Variants in FRMD6 observed in about 807,000 individuals in gnomAD.
The protein encoded by FRMD6 is FERM domain containing 6, also known as FERM domain-containing protein 6.
Under a neutral mutation model 73.2 loss-of-function variants are expected in FRMD6, and 37 were observed. The observed-to-expected ratio is 0.51, with a 90% CI of 0.39 to 0.66. The LOEUF (loss-of-function observed/expected upper bound fraction) is 0.66. FRMD6 is among the 30% of genes least tolerant of loss of function. FRMD6 has a pLI of 0.00. For missense variants in FRMD6, 714 were observed against 780.5 expected (o/e 0.91, Z 1.02); for synonymous variants, 273 against 282.2 (o/e 0.97, Z 0.33).
chr14:51,663,925 A>G (rs1392618472), intron 1 of FRMD6, among the ~76,000 whole-genome samples: 1 of 152,240 alleles, frequency 6.6e-6, no homozygotes, highest in African/African-American at 2.4e-5. Flanking sequence ...TCTTGTGATA[A>G]CTACGTTAAT....
At chr14:51,423,102 A>C in the FRMD6 span, among the ~76,000 whole-genome samples, 224 of 152,330 alleles carry the variant, frequency 1.5e-3, no homozygotes, top group Non-Finnish European at 2.7e-3. Flanking sequence ...AGTGTGAATG[A>C]GCTAGAAACC....
the FRMD6 span, among the ~76,000 whole-genome samples, chr14:51,418,402 G>A: frequency 0.92 from 140,018 of 152,254 alleles, 64,648 homozygotes; most frequent in African/African-American, 0.97. Flanking sequence ...TTTCCTTCCA[G>A]CACTCAGGTC....
intron 1 of FRMD6, among the ~76,000 whole-genome samples, chr14:51,534,273 A>G (rs897720760): frequency 1.3e-5 from 2 of 152,340 alleles, no homozygotes; most frequent in East Asian, 1.9e-4. Context: ...TTTTACCCAT[A>G]TAATATCACT....
At chr14:51,539,672 A>G (rs11157830) in intron 1 of FRMD6, among the ~76,000 whole-genome samples, 19,264 of 152,092 alleles carry the variant, frequency 0.13, 1,485 homozygotes, top group East Asian at 0.25. Context: ...GGCATTGAGT[A>G]TGTAGCCAGT....
chr14:51,690,762 T>C (rs1400537873), intron 2 of FRMD6, among the ~76,000 whole-genome samples: 1 of 152,204 alleles, frequency 6.6e-6, no homozygotes, highest in Non-Finnish European at 1.5e-5. Context: ...TAGGTGCCTA[T>C]AGGCTGAACA....
chr14:51,486,218 T>A (rs1442809241), upstream of FRMD6, among the ~76,000 whole-genome samples: 1 of 151,846 alleles, frequency 6.6e-6, no homozygotes, highest in Non-Finnish European at 1.5e-5. Context: ...GTATTTTTAG[T>A]AGAGACGGGG....
the FRMD6 span, among the ~76,000 whole-genome samples, chr14:51,456,958 T>C: frequency 6.6e-6 from 1 of 151,970 alleles, no homozygotes; most frequent in South Asian, 2.1e-4. Flanking sequence ...CTCATACAAG[T>C]AGAATGGTGG....
the FRMD6 span, among the ~76,000 whole-genome samples, chr14:51,413,670 A>T: frequency 2.7e-4 from 41 of 152,310 alleles, no homozygotes; most frequent in East Asian, 7.5e-3. Context: ...TTGTGTACAT[A>T]CCCAGTAATA....
chr14:51,427,133 C>A, the FRMD6 span, among the ~76,000 whole-genome samples: 1 of 152,148 alleles, frequency 6.6e-6, no homozygotes, highest in Admixed American at 6.5e-5. Context: ...AGGCTCAGGA[C>A]CTTTTATTAG....
intron 1 of FRMD6, among the ~76,000 whole-genome samples, chr14:51,658,747 A>G (rs1033304016): frequency 5.9e-5 from 9 of 152,192 alleles, no homozygotes; most frequent in African/African-American, 2.2e-4. Context: ...TAACAGATAA[A>G]ACAAAGTGCT....
intron 1 of FRMD6, among the ~76,000 whole-genome samples, chr14:51,671,808 T>C (rs1894029156): frequency 6.6e-6 from 1 of 152,180 alleles, no homozygotes; most frequent in South Asian, 2.1e-4. Flanking sequence ...TTCACATCAA[T>C]TTGTGAGGAA....
chr14:51,625,685 G>A (rs958130329), intron 2 of FRMD6, among the ~76,000 whole-genome samples: 6 of 152,076 alleles, frequency 3.9e-5, no homozygotes, highest in Non-Finnish European at 7.4e-5. Context: ...GATCCAACAC[G>A]CTCATTCCAA....
intron 1 of FRMD6, among the ~76,000 whole-genome samples, chr14:51,555,145 G>C (rs1162858339): frequency 1.3e-5 from 2 of 152,138 alleles, no homozygotes; most frequent in African/African-American, 4.8e-5. Context: ...TTTTACCAAA[G>C]GGCCACCAGA....
chr14:51,660,870 G>C (rs1893173633), intron 1 of FRMD6, among the ~76,000 whole-genome samples: 1 of 152,146 alleles, frequency 6.6e-6, no homozygotes, highest in South Asian at 2.1e-4. Context: ...AGCTAGCTGG[G>C]GGAAAAGTGT....
chr14:51,711,625 T>C lies in FRMD6; in HGVS notation c.780+29T>C, dbSNP rs751099850. On this transcript the variant is annotated intron_variant, in intron 8 of 13. Coordinates refer to ENST00000344768, the MANE Select transcript of FRMD6 (RefSeq NM_001267046.2). ...GGTAAATGAGAATTGTGTCAAATGC[T>C]GTCAGCCATGTCTTCTGTTTACAGC... 4 of 1,478,336 alleles carry C rather than the reference T, an allele frequency of 2.7e-6. No homozygotes were observed. In the South Asian group the frequency reaches 3.4e-5, roughly 13 times the overall value. 91.6% of individuals were successfully genotyped at this position (1,478,336 alleles called of 1,614,324 possible).
At chr14:51,478,321 T>C in the FRMD6 span, among the ~76,000 whole-genome samples, 1 of 152,164 alleles carries the variant, frequency 6.6e-6, no homozygotes, top group Non-Finnish European at 1.5e-5. Context: ...TCCTTCTCAT[T>C]GGATTTTTTT....
chr14:51,693,865 G>C (rs182520248), intron 2 of FRMD6, among the ~76,000 whole-genome samples: 1 of 152,154 alleles, frequency 6.6e-6, no homozygotes, highest in Admixed American at 6.6e-5. Flanking sequence ...ACTAGGTTAC[G>C]TAGGATGGAG....
chr14:51,725,498 T>C (rs1897899130), intron 12 of FRMD6, among the ~76,000 whole-genome samples: 1 of 152,228 alleles, frequency 6.6e-6, no homozygotes, highest in Non-Finnish European at 1.5e-5. Flanking sequence ...TTTCTATAAC[T>C]TCATCATAAA....
chr14:51,592,064 A>G (rs1322459547), intron 2 of FRMD6, among the ~76,000 whole-genome samples: 1 of 152,240 alleles, frequency 6.6e-6, no homozygotes, highest in East Asian at 1.9e-4. Context: ...CATTACAAAT[A>G]CACCAAAAAG....
Sources: gnomAD v4.1 joint callset for allele counts (sites outside exome capture counted in the v4.1 genomes callset) on GRCh38, gnomAD v4.1.1 for gene constraint, MANE v1.5 for transcripts, NCBI Gene and HGNC (gene_info 2026-07-23, HGNC 2026-07-21) for gene names.